Variants in COMMD7 observed in about 807,000 individuals in gnomAD.
The protein encoded by COMMD7 is COMM domain-containing protein 7.
Under a neutral mutation model 34.8 loss-of-function variants are expected in COMMD7, and 28 were observed. That is an observed-to-expected ratio of 0.80 (90% CI 0.60 to 1.10). The LOEUF is 1.10. Ranked by LOEUF, COMMD7 falls within the 50% of genes least tolerant of loss-of-function variation. COMMD7 has a pLI of 0.00. For missense variants in COMMD7, 211 were observed against 241.6 expected, an observed-to-expected ratio of 0.87 and a Z score of 0.84; for synonymous variants, 80 against 86.4, an observed-to-expected ratio of 0.93 and a Z score of 0.41.
rs184317801 is a variant in COMMD7 at position 32,703,569 on chromosome 20, C to A, written c.527-111G>T. 1,510 of 1,474,754 alleles carry A rather than the reference C, an allele frequency of 1.0e-3. 21 individuals are homozygous for A. Among genetic ancestry groups the A allele is most frequent in the Non-Finnish European group, 8.3e-5 (93 of 1,116,014 alleles). The allele number at this position is 1,474,754 out of a possible 1,614,324, so 91.4% of individuals were successfully genotyped here. A position where few individuals can be genotyped will look rare whatever the true frequency, so the allele number is the denominator to read the frequency against. ...TTTTTTCTTTTTTGGCTTAATACATCTAAGCAGCTCTTGATGGGTAACTGA... is the reference window on the plus strand; with the variant it reads ...TTTTTTCTTTTTTGGCTTAATACATATAAGCAGCTCTTGATGGGTAACTGA... On this transcript the variant is annotated intron_variant, in intron 8 of 8. Coordinates refer to ENST00000278980, the MANE Select transcript of COMMD7 (RefSeq NM_053041.3).
chr20:32,727,850 A>G (rs1448810964), intron 3 of COMMD7, 43 bp downstream of exon 3: 1 of 1,459,016 alleles, frequency 6.9e-7, no homozygotes, highest in Non-Finnish European at 9.6e-7. Flanking sequence ...AGGAATGTTC[A>G]AGTTAATGTC....
At chr20:32,714,288 A>G (rs1410389700) in intron 3 of COMMD7, among the ~76,000 whole-genome samples, 1 of 152,210 alleles carries the variant, frequency 6.6e-6, no homozygotes, top group Non-Finnish European at 1.5e-5. Flanking sequence ...GTTGCTAAAA[A>G]GAACTCGTTG....
chr20:32,714,959 G>A lies in COMMD7; in HGVS notation c.242-8199C>T, dbSNP rs568686855. On this transcript the variant is annotated intron_variant, in intron 3 of 8. Coordinates refer to ENST00000278980, the MANE Select transcript of COMMD7 (RefSeq NM_053041.3). ...CAGGAGGCAGTGGTTGCAGTGAGCC[G>A]AGACTGCACCACTGCACTCCAGCCT... Among the ~76,000 whole-genome samples, 3 of 151,992 alleles carry A rather than the reference G, an allele frequency of 2.0e-5. No homozygotes were observed. The South Asian group carries it at 6.2e-4, about 32-fold the overall frequency.
In COMMD7 at chr20:32,727,796, C is replaced by G. The variant is rs1464414935; in HGVS notation, c.241+97G>C. The G allele has an allele frequency of 3.0e-6, 3 of 1,014,116 alleles. No individual in the cohort carries two copies. In the African/African-American group the frequency reaches 4.7e-5, roughly 16 times the overall value. The allele number at this position is 1,014,116 out of a possible 1,614,324, so 62.8% of individuals were successfully genotyped here. On this transcript the variant is annotated intron_variant, in intron 3 of 8. Coordinates refer to ENST00000278980, the MANE Select transcript of COMMD7 (RefSeq NM_053041.3). ...CACGTCTGGCTCATTACCAAACGCT[C>G]TGGCTTGGCCCACGGAGCATGCTTC... is the stretch of plus-strand genomic sequence containing the variant.
intron 3 of COMMD7, among the ~76,000 whole-genome samples, chr20:32,710,296 A>ACAC (rs1203872607): frequency 2.0e-5 from 3 of 152,156 alleles, no homozygotes; most frequent in Non-Finnish European, 1.5e-5. Flanking sequence ...TTCCACTAGA[A>ACAC]CACCAGCTTG....
At chr20:32,733,923 A>G (rs1985991076) in intron 1 of COMMD7, among the ~76,000 whole-genome samples, 1 of 150,922 alleles carries the variant, frequency 6.6e-6, no homozygotes, top group African/African-American at 2.4e-5. Flanking sequence ...TCACACCTGT[A>G]ATCCCAATAC....
chr20:32,734,139 C>T (rs536490099), intron 1 of COMMD7, among the ~76,000 whole-genome samples: 1 of 149,996 alleles, frequency 6.7e-6, no homozygotes, highest in South Asian at 2.1e-4. Context: ...CCAGATCACA[C>T]CACTGCACTC....
intron 1 of COMMD7, among the ~76,000 whole-genome samples, chr20:32,735,194 C>T (rs760094815): frequency 2.0e-5 from 3 of 148,902 alleles, no homozygotes; most frequent in South Asian, 2.2e-4. Context: ...GCCAAGATTG[C>T]GCCATTGCAC....
At chr20:32,714,036 C>G (rs1167104756) in intron 3 of COMMD7, among the ~76,000 whole-genome samples, 1 of 152,078 alleles carries the variant, frequency 6.6e-6, no homozygotes, top group Non-Finnish European at 1.5e-5. Flanking sequence ...TCGCTTGAAC[C>G]CAGGAGGTGG....
chr20:32,715,765 C>A (rs887420571), intron 3 of COMMD7, among the ~76,000 whole-genome samples: 1 of 152,056 alleles, frequency 6.6e-6, no homozygotes, highest in African/African-American at 2.4e-5. Context: ...TGTGATCATG[C>A]CACTGAACTC....
At chr20:32,735,413 G>A (rs1452426699) in intron 1 of COMMD7, among the ~76,000 whole-genome samples, 2 of 151,526 alleles carry the variant, frequency 1.3e-5, no homozygotes, top group East Asian at 4.0e-4. Flanking sequence ...CGCCTCCTGG[G>A]TACAAGTGAT....
intron 1 of COMMD7, among the ~76,000 whole-genome samples, chr20:32,738,183 T>C (rs565872719): frequency 5.3e-5 from 8 of 152,134 alleles, no homozygotes; most frequent in Non-Finnish European, 1.0e-4. Context: ...TGGAGTGCAA[T>C]GCCATGGTCA....
At chr20:32,731,163 T>A (rs1985811213) in intron 1 of COMMD7, among the ~76,000 whole-genome samples, 1 of 151,456 alleles carries the variant, frequency 6.6e-6, no homozygotes, top group Admixed American at 6.6e-5. Context: ...TAAAAAAATT[T>A]AAAAATTAGC....
chr20:32,714,362 C>T (rs994669469), intron 3 of COMMD7, among the ~76,000 whole-genome samples: 4 of 152,084 alleles, frequency 2.6e-5, no homozygotes, highest in South Asian at 2.1e-4. Flanking sequence ...AAATCAGTTA[C>T]GGATCACCCA....
intron 3 of COMMD7, among the ~76,000 whole-genome samples, chr20:32,707,292 A>ATATATATAT (rs1208406589): frequency 2.2e-5 from 2 of 92,460 alleles, no homozygotes; most frequent in Non-Finnish European, 5.3e-5. Flanking sequence ...TCAAAAAAAA[A>ATATATATAT]AAATATATAT....
chr20:32,720,742 G>A (rs1304343736), intron 3 of COMMD7, among the ~76,000 whole-genome samples: 1 of 152,166 alleles, frequency 6.6e-6, no homozygotes, highest in East Asian at 1.9e-4. Flanking sequence ...GGAGTTGGAG[G>A]TTGCAGTGAG....
At chr20:32,719,601 G>A (rs1307562884) in intron 3 of COMMD7, among the ~76,000 whole-genome samples, 2 of 152,100 alleles carry the variant, frequency 1.3e-5, no homozygotes, top group African/African-American at 4.8e-5. Context: ...AGTGAGCCAA[G>A]ATGGCACCTT....
intron 3 of COMMD7, among the ~76,000 whole-genome samples, chr20:32,714,238 T>A (rs946897065): frequency 1.4e-4 from 21 of 152,232 alleles, no homozygotes; most frequent in African/African-American, 4.6e-4. Context: ...ATGCCACTTA[T>A]GACTACATTT....
chr20:32,705,138 C>T (rs936141800), intron 5 of COMMD7, among the ~76,000 whole-genome samples: 1 of 151,672 alleles, frequency 6.6e-6, no homozygotes, highest in African/African-American at 2.4e-5. Flanking sequence ...AAGATTTAAT[C>T]CATCTTGGAA....
Sources: allele counts gnomAD v4.1 joint callset (sites outside exome capture counted in the v4.1 genomes callset), GRCh38; gene constraint gnomAD v4.1.1; transcripts MANE v1.5; gene names NCBI Gene and HGNC (gene_info 2026-07-23, HGNC 2026-07-21).